Variants in CEP170 observed in about 807,000 individuals in gnomAD.
CEP170 encodes centrosomal protein of 170 kDa.
In CEP170, 21 loss-of-function variants were observed where a neutral mutation model predicts 151.9. The observed-to-expected ratio is 0.14, with a 90% CI of 0.10 to 0.20. The LOEUF is 0.20. CEP170 is among the 10% of genes least tolerant of loss of function. The pLI is 1.00. For synonymous variants in CEP170, 356 were observed against 648.8 expected, an observed-to-expected ratio of 0.55 and a Z score of 6.86; for missense variants, 964 against 1,892.9, an observed-to-expected ratio of 0.51 and a Z score of 9.11.
rs545668812 is a variant in CEP170, at chr1:243,204,109, T to G, written c.275-3274A>C. The stretch of plus-strand genomic sequence containing the variant: ...CATTAATTTTTAAAATTTAGTTCTT[T>G]TAAGCTTTGAGAAATGTCCTCTATT... On this transcript the variant is annotated intron_variant, in intron 4 of 19. Coordinates refer to ENST00000366542, the MANE Select transcript of CEP170 (RefSeq NM_014812.3). Among the ~76,000 whole-genome samples, 358 of 152,296 alleles carry G rather than the reference T, an allele frequency of 2.4e-3. 1 individual carries two copies. The highest frequency in any genetic ancestry group is 8.4e-3 in the African/African-American group (350 of 41,578).
At chr1:243,148,397 C>T (rs992006310) in intron 14 of CEP170, among the ~76,000 whole-genome samples, 46 of 151,768 alleles carry the variant, frequency 3.0e-4, no homozygotes, top group African/African-American at 1.1e-3. Flanking sequence ...ATGGTGAAAC[C>T]CCATCTCTAC....
At chr1:243,141,774 A>G (rs1366973900) in intron 15 of CEP170, among the ~76,000 whole-genome samples, 1 of 152,182 alleles carries the variant, frequency 6.6e-6, no homozygotes, top group Non-Finnish European at 1.5e-5. Flanking sequence ...GACTTTATGA[A>G]AATGTTCTGA....
intron 14 of CEP170, among the ~76,000 whole-genome samples, chr1:243,154,789 T>G (rs2057405500): frequency 6.6e-6 from 1 of 151,896 alleles, no homozygotes; most frequent in Admixed American, 6.6e-5. Context: ...ATTACAACTG[T>G]TTTTTTATTT....
chr1:243,130,058 CA>C (rs2054214775), intron 17 of CEP170, among the ~76,000 whole-genome samples: 2 of 152,234 alleles, frequency 1.3e-5, no homozygotes, highest in South Asian at 4.1e-4. Context: ...TGGTGTCAGG[CA>C]TCCAGTGGGT....
intron 1 of CEP170, among the ~76,000 whole-genome samples, chr1:243,236,128 A>G (rs943351597): frequency 5.3e-5 from 8 of 152,176 alleles, no homozygotes; most frequent in Non-Finnish European, 1.5e-5. Flanking sequence ...TCTTTCATTT[A>G]ACTCCCAAAA....
chr1:243,190,816 C>T (rs1490198337), intron 8 of CEP170, among the ~76,000 whole-genome samples: 1 of 151,962 alleles, frequency 6.6e-6, no homozygotes, highest in African/African-American at 2.4e-5. Flanking sequence ...CTGGTTTTGT[C>T]AAGAAAATGA....
At chr1:243,172,452 T>C (rs928699931) in intron 11 of CEP170, among the ~76,000 whole-genome samples, 8 of 152,144 alleles carry the variant, frequency 5.3e-5, no homozygotes, top group African/African-American at 1.9e-4. Flanking sequence ...CTGACCAACA[T>C]GGTGAAACCA....
At chr1:243,194,953 TG>T (rs2060547709) in intron 7 of CEP170, among the ~76,000 whole-genome samples, 1 of 151,918 alleles carries the variant, frequency 6.6e-6, no homozygotes, top group South Asian at 2.1e-4. Context: ...ATTTTATGAC[TG>T]TGTTACCTTA....
chr1:243,226,027 A>C, intron 1 of CEP170, among the ~76,000 whole-genome samples: 1 of 127,764 alleles, frequency 7.8e-6, no homozygotes, highest in Non-Finnish European at 1.7e-5. Flanking sequence ...ATACACACGT[A>C]TATATATCTA....
At chr1:243,167,898 C>A (rs2058555842) in intron 12 of CEP170, among the ~76,000 whole-genome samples, 1 of 151,858 alleles carries the variant, frequency 6.6e-6, no homozygotes, top group South Asian at 2.1e-4. Flanking sequence ...CATATACATT[C>A]AATATGCTTA....
At chr1:243,158,142 GAA>G (rs1378289106) in intron 13 of CEP170, among the ~76,000 whole-genome samples, 2 of 152,076 alleles carry the variant, frequency 1.3e-5, no homozygotes, top group African/African-American at 4.8e-5. Context: ...CCAATTTTAG[GAA>G]AAGTTTAGAA....
Position 243,241,883 on chromosome 1 carries a change from G to C in CEP170, c.-42+13157C>G, listed in dbSNP as rs1178036296. Among the ~76,000 whole-genome samples the C allele has an allele frequency of 2.0e-5, 3 of 151,922 alleles. No homozygotes were observed. The East Asian group carries it at 5.8e-4, about 29-fold the overall frequency. On this transcript the variant is annotated intron_variant, in intron 1 of 19. Coordinates refer to ENST00000366542, the MANE Select transcript of CEP170 (RefSeq NM_014812.3). ...GGGTGACAATACAGGAGGGTAGGGGGAGTGGGCTATGAAGTTGACTAGGAA... is the reference window on the plus strand; with the variant it reads ...GGGTGACAATACAGGAGGGTAGGGGCAGTGGGCTATGAAGTTGACTAGGAA...
chr1:243,253,557 T>C (rs2066153581), intron 1 of CEP170, among the ~76,000 whole-genome samples: 1 of 152,208 alleles, frequency 6.6e-6, no homozygotes, highest in African/African-American at 2.4e-5. Context: ...GTTTTACTTT[T>C]TAAAAAATAA....
At chr1:243,140,590 A>AT (rs1450691940) in intron 15 of CEP170, 1 of 152,420 alleles carries the variant, frequency 6.6e-6, no homozygotes, top group East Asian at 1.9e-4. Flanking sequence ...AAAGGAAAAT[A>AT]TTTTTTAATC....
At chr1:243,186,624 T>C (rs1180229898) in intron 8 of CEP170, 1 of 549,202 alleles carries the variant, frequency 1.8e-6, no homozygotes, top group Non-Finnish European at 3.2e-6. Flanking sequence ...TGAGGTCCTT[T>C]ATAAACAACT....
intron 17 of CEP170, chr1:243,135,818 T>TAGA (rs2054997735): frequency 6.3e-6 from 1 of 158,798 alleles, no homozygotes; most frequent in Non-Finnish European, 1.4e-5. Flanking sequence ...ATAAGCAATA[T>TAGA]AGAATTATAT....
At chr1:243,248,540 T>A (rs1279749037) in intron 1 of CEP170, among the ~76,000 whole-genome samples, 1 of 152,222 alleles carries the variant, frequency 6.6e-6, no homozygotes, top group African/African-American at 2.4e-5. Flanking sequence ...CTACCTGATG[T>A]GTCCACTTGG....
chr1:243,242,714 T>TC (rs1198409453), intron 1 of CEP170, among the ~76,000 whole-genome samples: 15 of 152,032 alleles, frequency 9.9e-5, no homozygotes, highest in African/African-American at 1.4e-4. Context: ...TTTTTTTTTT[T>TC]CTCCAAGACG....
intron 1 of CEP170, among the ~76,000 whole-genome samples, chr1:243,249,672 G>C (rs1386759811): frequency 6.6e-6 from 1 of 152,112 alleles, no homozygotes; most frequent in Non-Finnish European, 1.5e-5. Context: ...TTTCTTCATA[G>C]CATCTATCCT....
Sources: allele counts gnomAD v4.1 joint callset (sites outside exome capture counted in the v4.1 genomes callset), GRCh38; gene constraint gnomAD v4.1.1; transcripts MANE v1.5; gene names NCBI Gene and HGNC (gene_info 2026-07-23, HGNC 2026-07-21).